Variants in REDIC1 observed in about 807,000 individuals in gnomAD.
REDIC1 encodes regulator of DNA class I crossover intermediates 1.
the REDIC1 span, among the ~76,000 whole-genome samples, chr12:39,739,689 C>A: frequency 7.4e-4 from 113 of 152,088 alleles, no homozygotes; most frequent in Non-Finnish European, 1.4e-3. Flanking sequence ...GGCACAAAAA[C>A]CAAATGCAGT....
chr12:39,652,076 A>G, the REDIC1 span, among the ~76,000 whole-genome samples: 3 of 152,242 alleles, frequency 2.0e-5, no homozygotes, highest in South Asian at 4.1e-4. Context: ...GCCCGTATCT[A>G]TAGTTCATTC....
the REDIC1 span, among the ~76,000 whole-genome samples, chr12:39,873,923 G>A: frequency 6.6e-6 from 1 of 152,212 alleles, no homozygotes; most frequent in Non-Finnish European, 1.5e-5. Context: ...ATAATCACTT[G>A]TACACTGAAT....
chr12:39,709,711 G>C, the REDIC1 span, among the ~76,000 whole-genome samples: 1 of 151,568 alleles, frequency 6.6e-6, no homozygotes, highest in Non-Finnish European at 1.5e-5. Flanking sequence ...AATTGTACGT[G>C]TATGCCATAT....
At chr12:39,881,995 A>G in the REDIC1 span, among the ~76,000 whole-genome samples, 1 of 152,112 alleles carries the variant, frequency 6.6e-6, no homozygotes. Flanking sequence ...AAATCCTTTA[A>G]GTATCTTCCT....
At chr12:39,869,050 C>T in the REDIC1 span, among the ~76,000 whole-genome samples, 10 of 152,130 alleles carry the variant, frequency 6.6e-5, no homozygotes, top group East Asian at 3.9e-4. Flanking sequence ...GTTAAAAATT[C>T]GAGGCTATAG....
the REDIC1 span, chr12:39,683,621 C>G: frequency 3.1e-6 from 2 of 638,802 alleles, no homozygotes; most frequent in Middle Eastern, 2.5e-4. Flanking sequence ...AGGAGCCTTA[C>G]CAGGAGTCAC....
At chr12:39,685,620 A>C in the REDIC1 span, among the ~76,000 whole-genome samples, 2 of 152,072 alleles carry the variant, frequency 1.3e-5, no homozygotes, top group South Asian at 2.1e-4. Flanking sequence ...ATAGATCCAA[A>C]CCATATCTTT....
the REDIC1 span, among the ~76,000 whole-genome samples, chr12:39,751,117 G>T: frequency 6.6e-6 from 1 of 152,158 alleles, no homozygotes; most frequent in Non-Finnish European, 1.5e-5. Context: ...CTATCAGAGC[G>T]AACAGGCAAC....
the REDIC1 span, among the ~76,000 whole-genome samples, chr12:39,734,265 G>A: frequency 2.6e-5 from 4 of 152,174 alleles, no homozygotes; most frequent in African/African-American, 7.2e-5. Flanking sequence ...CCAGTAGGAT[G>A]AGCTGGGTAC....
the REDIC1 span, among the ~76,000 whole-genome samples, chr12:39,822,820 A>G: frequency 6.6e-6 from 1 of 152,260 alleles, no homozygotes; most frequent in Non-Finnish European, 1.5e-5. Context: ...GTAGTTAAAT[A>G]TATTATGAAT....
the REDIC1 span, among the ~76,000 whole-genome samples, chr12:39,836,752 G>C: frequency 1.0e-3 from 114 of 114,030 alleles, 2 homozygotes; most frequent in East Asian, 0.02. Context: ...GCTTCAAAGA[G>C]AATAAAATAC....
the REDIC1 span, among the ~76,000 whole-genome samples, chr12:39,712,297 TATAC>T: frequency 3.6e-5 from 3 of 83,564 alleles, no homozygotes; most frequent in East Asian, 2.9e-4. Context: ...TGTATGTATA[TATAC>T]ATACATATAT....
the REDIC1 span, among the ~76,000 whole-genome samples, chr12:39,713,978 C>T: frequency 6.5e-4 from 89 of 136,756 alleles, no homozygotes; most frequent in African/African-American, 2.0e-3. Context: ...TGTGCATATA[C>T]GTATATATAC....
chr12:39,758,761 A>G, the REDIC1 span: 1 of 152,052 alleles, frequency 6.6e-6, no homozygotes, highest in Non-Finnish European at 1.5e-5. Context: ...TAAGCCAAGA[A>G]TAAGAAAAAC....
At chr12:39,659,690 C>CTG in the REDIC1 span, among the ~76,000 whole-genome samples, 131,648 of 151,894 alleles carry the variant, frequency 0.87, 57,301 homozygotes, top group African/African-American at 0.92. Context: ...GTTATGATAA[C>CTG]TTTTAATGTA....
the REDIC1 span, chr12:39,682,702 A>C: frequency 6.2e-7 from 1 of 1,613,070 alleles, no homozygotes; most frequent in South Asian, 1.1e-5. Context: ...GTCAGACTAC[A>C]TTACTGAAAA....
the REDIC1 span, among the ~76,000 whole-genome samples, chr12:39,773,903 G>A: frequency 3.9e-5 from 6 of 152,148 alleles, no homozygotes; most frequent in African/African-American, 1.2e-4. Flanking sequence ...ATCTACCATC[G>A]TTCTACTGGG....
At chr12:39,866,531 T>C in the REDIC1 span, among the ~76,000 whole-genome samples, 1 of 152,012 alleles carries the variant, frequency 6.6e-6, no homozygotes, top group Non-Finnish European at 1.5e-5. Flanking sequence ...CTGGTTGGAG[T>C]GCAGTGGCGC....
the REDIC1 span, among the ~76,000 whole-genome samples, chr12:39,791,258 G>A: frequency 3.6e-5 from 5 of 138,810 alleles, no homozygotes; most frequent in Non-Finnish European, 7.8e-5. Flanking sequence ...CAAACCCACA[G>A]CCAATATCAT....
Sources: gnomAD v4.1 joint callset for allele counts (sites outside exome capture counted in the v4.1 genomes callset) on GRCh38, gnomAD v4.1.1 for gene constraint, MANE v1.5 for transcripts, NCBI Gene and HGNC (gene_info 2026-07-23, HGNC 2026-07-21) for gene names.